SDK1: variants seen among roughly 807,000 people sequenced by gnomAD.
SDK1 encodes the protein protein sidekick-1.
SDK1 carries 157 observed loss-of-function variants against 245.5 expected under a neutral mutation model. The ratio of observed to expected loss-of-function variants is 0.64; its 90% CI spans 0.56 to 0.73. SDK1 has a LOEUF of 0.73. SDK1 is among the 30% of genes least tolerant of loss of function. The pLI is 0.00. For missense variants in SDK1, 3,583 were observed against 3,002.3 expected (o/e 1.19, Z -4.52); for synonymous variants, 1,647 against 1,278.5 (o/e 1.29, Z -6.15).
chr7:4,142,162 C>G (rs1779621394), intron 28 of SDK1, among the ~76,000 whole-genome samples: 1 of 152,158 alleles, frequency 6.6e-6, no homozygotes, highest in South Asian at 2.1e-4. Flanking sequence ...AGGCTGAACC[C>G]TACGCATACA....
At chr7:3,936,849 C>T (rs1434740939) in intron 5 of SDK1, among the ~76,000 whole-genome samples, 1 of 152,046 alleles carries the variant, frequency 6.6e-6, no homozygotes, top group African/African-American at 2.4e-5. Context: ...CAGGAGGCAG[C>T]AGTAGGGGTG....
chr7:3,859,361 T>C (rs1780630172), intron 5 of SDK1, among the ~76,000 whole-genome samples: 1 of 152,138 alleles, frequency 6.6e-6, no homozygotes, highest in African/African-American at 2.4e-5. Context: ...GTAGTTGCAG[T>C]TCTTCCATAG....
chr7:4,066,490 C>T (rs10262417), intron 19 of SDK1, among the ~76,000 whole-genome samples: 46,827 of 152,160 alleles, frequency 0.31, 11,106 homozygotes, highest in African/African-American at 0.67. Context: ...TCCATTTCCA[C>T]CTGCTCCTCA....
At chr7:3,597,509 A>T (rs1164404497) in intron 1 of SDK1, among the ~76,000 whole-genome samples, 1 of 152,166 alleles carries the variant, frequency 6.6e-6, no homozygotes, top group Non-Finnish European at 1.5e-5. Flanking sequence ...CCTGTTGGTT[A>T]CTTCAGGTTG....
At chr7:4,242,025 C>A in intron 43 of SDK1, 112 bp downstream of exon 43, 2 of 1,321,012 alleles carry the variant, frequency 1.5e-6, no homozygotes, top group South Asian at 1.4e-5. Flanking sequence ...TTCCAGGAAG[C>A]AAAACCCAAC....
At chr7:4,074,336 T>C (rs1185152807) in intron 20 of SDK1, among the ~76,000 whole-genome samples, 1 of 152,178 alleles carries the variant, frequency 6.6e-6, no homozygotes, top group African/African-American at 2.4e-5. Context: ...CAAGGTACTT[T>C]GTCTTGGAAA....
intron 4 of SDK1, among the ~76,000 whole-genome samples, chr7:3,752,210 CTT>C (rs1462319331): frequency 1.3e-5 from 2 of 152,150 alleles, no homozygotes; most frequent in African/African-American, 4.8e-5. Context: ...TTTATTCACT[CTT>C]ATTAGGGACT....
rs934818707 is a variant in SDK1 at position 3,385,805 on chromosome 7, C to T, written c.298+83921C>T. Among the ~76,000 whole-genome samples the T allele has an allele frequency of 4.6e-5, 7 of 152,140 alleles. No homozygotes were observed. In the East Asian group the frequency reaches 5.8e-4, roughly 13 times the overall value. On this transcript the variant is annotated intron_variant, in intron 1 of 44. Transcript: ENST00000404826. ...ATTAGTAAGGGATTGTAATATCTCT[C>T]AATAACAAAATTGCTTTAGACCAAA...
At chr7:3,750,823 A>G (rs1034102683) in intron 4 of SDK1, among the ~76,000 whole-genome samples, 9 of 152,206 alleles carry the variant, frequency 5.9e-5, no homozygotes, top group East Asian at 5.8e-4. Flanking sequence ...GGATACGACA[A>G]TCTCTAATCC....
At chr7:4,020,543 G>C (rs777525625) in intron 17 of SDK1, among the ~76,000 whole-genome samples, 1 of 152,204 alleles carries the variant, frequency 6.6e-6, no homozygotes, top group Non-Finnish European at 1.5e-5. Context: ...CCTGGCTCTG[G>C]AGGGGAAGAT....
chr7:3,336,438 A>G (rs1271735646), intron 1 of SDK1, among the ~76,000 whole-genome samples: 1 of 152,114 alleles, frequency 6.6e-6, no homozygotes, highest in East Asian at 1.9e-4. Context: ...GGTTAGGGCC[A>G]TATCCAGCCC....
chr7:3,504,182 A>ATATATATGTGTGTGTGTGTGTGTG (rs375661314), intron 1 of SDK1, among the ~76,000 whole-genome samples: 1 of 131,886 alleles, frequency 7.6e-6, no homozygotes, highest in Non-Finnish European at 1.6e-5. Flanking sequence ...ATATATATAT[A>ATATATATGTGTGTGTGTGTGTGTG]TGTGTGTGTG....
intron 20 of SDK1, among the ~76,000 whole-genome samples, chr7:4,072,656 TG>T (rs992181241): frequency 1.3e-5 from 2 of 152,230 alleles, no homozygotes; most frequent in Non-Finnish European, 2.9e-5. Context: ...TGCCGGTTTC[TG>T]GAAGTGTTGG....
At chr7:4,087,726 A>T (rs1781514998) in intron 22 of SDK1, among the ~76,000 whole-genome samples, 1 of 152,214 alleles carries the variant, frequency 6.6e-6, no homozygotes, top group South Asian at 2.1e-4. Flanking sequence ...TAATGTGAAG[A>T]ATACGGGCTT....
At chr7:4,109,156 G>C (rs1004779629) in intron 22 of SDK1, among the ~76,000 whole-genome samples, 11 of 152,204 alleles carry the variant, frequency 7.2e-5, no homozygotes, top group African/African-American at 2.4e-4. Flanking sequence ...TAAGACACCT[G>C]TTGTCTGTTC....
chr7:3,849,721 C>G (rs1025416435), intron 5 of SDK1, among the ~76,000 whole-genome samples: 6 of 152,148 alleles, frequency 3.9e-5, no homozygotes, highest in African/African-American at 1.4e-4. Flanking sequence ...TTGCTGATAG[C>G]TGGCCATTGC....
chr7:3,787,603 T>G (rs1041410985), intron 4 of SDK1, among the ~76,000 whole-genome samples: 9 of 152,212 alleles, frequency 5.9e-5, no homozygotes, highest in Non-Finnish European at 8.8e-5. Context: ...ATTTTATAAA[T>G]ACGAAGTATC....
chr7:3,456,096 A>C lies in SDK1; in HGVS notation c.298+154212A>C, dbSNP rs75704433. Among the ~76,000 whole-genome samples, 1,003 of 152,332 alleles carry C rather than the reference A, an allele frequency of 6.6e-3. 12 individuals carry two copies. Among genetic ancestry groups the C allele is most frequent in the African/African-American group, 0.023 (956 of 41,570 alleles). On this transcript the variant is annotated intron_variant, in intron 1 of 44. Transcript: ENST00000404826. ...CATGGTTTCTGTTGAGAAGTCTGCTATTATTTGAATTGTTATTCCTCTATA... is the reference window on the plus strand; with the variant it reads ...CATGGTTTCTGTTGAGAAGTCTGCTCTTATTTGAATTGTTATTCCTCTATA...
At chr7:3,519,114 A>G (rs1782844478) in intron 1 of SDK1, among the ~76,000 whole-genome samples, 1 of 152,160 alleles carries the variant, frequency 6.6e-6, no homozygotes. Context: ...ATAGAAGTCA[A>G]AAGTAGAACA....
Sources: gnomAD v4.1 joint callset for allele counts (sites outside exome capture counted in the v4.1 genomes callset) on GRCh38, gnomAD v4.1.1 for gene constraint, MANE v1.5 for transcripts, NCBI Gene and HGNC (gene_info 2026-07-23, HGNC 2026-07-21) for gene names.